Variants in UNC13A observed in about 807,000 individuals in gnomAD.
UNC13A encodes the protein protein unc-13 homolog A.
UNC13A carries 61 observed loss-of-function variants against 219.7 expected under a neutral mutation model. That is an observed-to-expected ratio of 0.28 (90% confidence interval 0.23 to 0.34). The LOEUF (loss-of-function observed/expected upper bound fraction) is 0.34, where lower values mean the gene tolerates loss of function less well. Among genes scored for constraint, UNC13A ranks in the 10% least tolerant of loss-of-function variants. The pLI, the probability that UNC13A is intolerant of heterozygous loss-of-function variation, is 1.00. For missense variants in UNC13A, 1,476 were observed against 2,270.3 expected, an observed-to-expected ratio of 0.65 and a Z score of 7.11; for synonymous variants, 920 against 884.6, an observed-to-expected ratio of 1.04 and a Z score of -0.71.
rs756082401 is a variant in UNC13A, at chr19:17,655,232, C to T, written c.1392+42G>A. On this transcript the variant is annotated intron_variant, in intron 11 of 43. Transcript: ENST00000519716. ...GTGTGGGCCTGCCATTGGGCGTGGC[C>T]TGGCTAAGTGTGGCAGGGGCATGGC... 8 of 1,501,784 alleles carry T rather than the reference C, an allele frequency of 5.3e-6. No individual in the cohort carries two copies. The African/African-American group carries it at 9.7e-5, about 18-fold the overall frequency. The allele number at this position is 1,501,784 out of a possible 1,614,324, so 93.0% of individuals were successfully genotyped here.
At chr19:17,628,621 C>T (rs1000384970) in intron 31 of UNC13A, among the ~76,000 whole-genome samples, 2 of 152,050 alleles carry the variant, frequency 1.3e-5, no homozygotes, top group African/African-American at 4.8e-5. Context: ...ATGAGACACA[C>T]ACCTAGATGT....
chr19:17,657,999 C>T lies in UNC13A; in HGVS notation c.767+63G>A, dbSNP rs908088087. On this transcript the variant is annotated intron_variant, in intron 9 of 43. Coordinates refer to ENST00000519716, the MANE Select transcript of UNC13A (RefSeq NM_001080421.3). ...CCTCCAGCTCTGTCCAGCCCCGTAC[C>T]CCTCTCTCCACTCCAGGAGACACAG... The T allele has an allele frequency of 5.2e-6, 8 of 1,548,580 alleles. No individual in the cohort carries two copies. In the African/African-American group the frequency reaches 9.5e-5, roughly 18 times the overall value.
chr19:17,609,760 C>T (rs945968512), intron 43 of UNC13A, among the ~76,000 whole-genome samples, 180 bp downstream of exon 43: 4 of 152,206 alleles, frequency 2.6e-5, no homozygotes, highest in Non-Finnish European at 5.9e-5. Context: ...CTCGTGTCCC[C>T]TCCCTGATGT....
chr19:17,637,452 C>T (rs1361504243), intron 25 of UNC13A, among the ~76,000 whole-genome samples: 1 of 152,092 alleles, frequency 6.6e-6, no homozygotes, highest in Non-Finnish European at 1.5e-5. Flanking sequence ...TGCCCGCCAC[C>T]ACGCCCGGCT....
Position 17,602,098 on chromosome 19 carries a change from G to C in UNC13A, c.*3956C>G, listed in dbSNP as rs569280513. The C allele has an allele frequency of 6.6e-6, 1 of 152,606 alleles. No individual in the cohort carries two copies. Among genetic ancestry groups the C allele is most frequent in the East Asian group, 1.9e-4 (1 of 5,162 alleles). The allele number at this position is 152,606 out of a possible 1,614,324, so 9.5% of individuals were successfully genotyped here. ...TGTTTAGTTTTTTGCATCTCTGATG[G>C]GGGCATGGTGAGGTCTCAGGCTCTG... On this transcript the variant is annotated 3_prime_UTR_variant, in exon 44 of 44. Transcript: ENST00000519716.
chr19:17,657,562 C>A (rs138484115), intron 9 of UNC13A, among the ~76,000 whole-genome samples: 1 of 152,254 alleles, frequency 6.6e-6, no homozygotes, highest in African/African-American at 2.4e-5. Flanking sequence ...AGTCATTCAA[C>A]GAACCTTATC....
At chr19:17,646,420 A>G (rs537560103) in intron 17 of UNC13A, among the ~76,000 whole-genome samples, 9 of 151,782 alleles carry the variant, frequency 5.9e-5, no homozygotes, top group East Asian at 3.9e-4. Context: ...CATCCGGCCA[A>G]TCGTTTTGCA....
At chr19:17,612,462 C>T (rs7246043) in intron 41 of UNC13A, among the ~76,000 whole-genome samples, 2,118 of 152,278 alleles carry the variant, frequency 0.014, 45 homozygotes, top group African/African-American at 0.049. Flanking sequence ...CCCCAGCATC[C>T]CATGCCTGGA....
rs2076792218 is a variant in UNC13A, at chr19:17,627,160, G to A, written c.3920+349C>T. 4.2e-5 allele frequency among the ~76,000 whole-genome samples: 6 copies of A among 144,212 alleles called. No individual in the cohort carries two copies. The highest frequency in any genetic ancestry group is 1.9e-4 in the East Asian group (1 of 5,134). The allele number at this position is 144,212 out of a possible 152,430, so 94.6% of individuals were successfully genotyped here. A position where few individuals can be genotyped will look rare whatever the true frequency, so the allele number is the denominator to read the frequency against. ...CAGCCTGGTGACAGAACGAGACTTC[G>A]TCTCAAAAAAAAAAAAAGAGTGGAA... On this transcript the variant is annotated intron_variant, in intron 33 of 43. Coordinates refer to ENST00000519716, the MANE Select transcript of UNC13A (RefSeq NM_001080421.3). The surrounding 1 kb of genome is among the most constrained non-coding windows in gnomAD (Gnocchi z 4.7).
intron 6 of UNC13A, among the ~76,000 whole-genome samples, chr19:17,666,905 AG>A (rs1167372607): frequency 2.5e-3 from 199 of 80,184 alleles, no homozygotes; most frequent in Non-Finnish European, 3.3e-3. Flanking sequence ...AGAGAGAGAG[AG>A]AGAGAAAGAC....
intron 4 of UNC13A, 54 bp from the exon 5 acceptor site, chr19:17,669,730 C>T (rs2079741865): frequency 6.4e-7 from 1 of 1,550,680 alleles, no homozygotes; most frequent in South Asian, 1.2e-5. Context: ...TCACTAGTCC[C>T]CAGGGCCCCT....
At chr19:17,660,274 T>A (rs1455244932) in intron 8 of UNC13A, among the ~76,000 whole-genome samples, 1 of 135,690 alleles carries the variant, frequency 7.4e-6, no homozygotes, top group Non-Finnish European at 1.5e-5. Context: ...TGTGCACATG[T>A]TTACCCAGTT....
chr19:17,664,777 G>C (rs1011867380), intron 7 of UNC13A, among the ~76,000 whole-genome samples: 2 of 152,164 alleles, frequency 1.3e-5, no homozygotes, highest in African/African-American at 2.4e-5. Context: ...TGTGGAAACA[G>C]GGTACCCCAG....
intron 42 of UNC13A, among the ~76,000 whole-genome samples, chr19:17,611,010 G>A (rs1217154309): frequency 6.6e-6 from 1 of 152,086 alleles, no homozygotes; most frequent in Non-Finnish European, 1.5e-5. Flanking sequence ...TCCAACCTGG[G>A]CAACAGAGTG....
Position 17,655,826 on chromosome 19 carries a change from C to T in UNC13A, c.1283+57G>A. The T allele has an allele frequency of 2.1e-6, 3 of 1,462,418 alleles. No homozygotes were observed. The South Asian group carries it at 4.4e-5, about 21-fold the overall frequency. The allele number at this position is 1,462,418 out of a possible 1,614,324, so 90.6% of individuals were successfully genotyped here. On this transcript the variant is annotated intron_variant, in intron 10 of 43. Transcript: ENST00000519716. ...GGTCCACGCTGACCCCATCATAGCCCTGCTGACCCTGTGACCTTGTGGCAG... is the reference window on the plus strand; with the variant it reads ...GGTCCACGCTGACCCCATCATAGCCTTGCTGACCCTGTGACCTTGTGGCAG...
chr19:17,677,872 T>C (rs2145921074), intron 1 of UNC13A, among the ~76,000 whole-genome samples: 1 of 152,322 alleles, frequency 6.6e-6, no homozygotes, highest in East Asian at 1.9e-4. Context: ...AGATGGTCCA[T>C]GCGTCGGCAA....
intron 41 of UNC13A, among the ~76,000 whole-genome samples, chr19:17,613,144 A>G (rs565940655): frequency 6.6e-6 from 1 of 152,194 alleles, no homozygotes; most frequent in Admixed American, 6.5e-5. Flanking sequence ...AGACAGGAGA[A>G]TCACTTGAAC....
intron 4 of UNC13A, among the ~76,000 whole-genome samples, chr19:17,670,719 C>A (rs963486070): frequency 4.6e-5 from 7 of 151,978 alleles, no homozygotes; most frequent in African/African-American, 1.7e-4. Context: ...GCCTGGCCAA[C>A]ATGGCGAAAC....
intron 34 of UNC13A, among the ~76,000 whole-genome samples, chr19:17,625,727 C>A (rs1022078226): frequency 2.3e-4 from 34 of 150,384 alleles, no homozygotes; most frequent in African/African-American, 8.3e-4. Flanking sequence ...CATCCACCCA[C>A]CCCCCCATCT....
Sources: gnomAD v4.1 joint callset for allele counts (sites outside exome capture counted in the v4.1 genomes callset) on GRCh38, gnomAD v4.1.1 for gene constraint, Gnocchi (gnomAD v3.1) non-coding constraint, MANE v1.5 for transcripts, NCBI Gene and HGNC (gene_info 2026-07-23, HGNC 2026-07-21) for gene names.